Variants in DYRK1A observed in about 807,000 individuals in gnomAD.
DYRK1A encodes dual specificity tyrosine-phosphorylation-regulated kinase 1A.
In DYRK1A, 9 loss-of-function variants were observed where a neutral mutation model predicts 79.7. That is an observed-to-expected ratio of 0.11 (90% confidence interval 0.07 to 0.20). The LOEUF (loss-of-function observed/expected upper bound fraction) is 0.20. DYRK1A is among the 10% of genes least tolerant of loss of function. The pLI is 1.00. For missense variants in DYRK1A, 622 were observed against 956.0 expected (o/e 0.65, Z 4.61); for synonymous variants, 349 against 329.7 (o/e 1.06, Z -0.63).
chr21:37,426,739 T>A (rs2050629921), intron 2 of DYRK1A, among the ~76,000 whole-genome samples: 2 of 140,538 alleles, frequency 1.4e-5, no homozygotes, highest in South Asian at 4.7e-4. Context: ...TGAAACCCCG[T>A]CTCTACTAAA....
rs1180690545 is a variant in DYRK1A, at chr21:37,525,202, T to C, written c.*12671T>C. The C allele has an allele frequency of 1.3e-5, 2 of 152,270 alleles. No individual in the cohort carries two copies. The highest frequency in any genetic ancestry group is 2.9e-5 in the Non-Finnish European group (2 of 68,084). 9.4% of individuals were successfully genotyped at this position (152,270 alleles called of 1,614,324 possible). A position where few individuals can be genotyped will look rare whatever the true frequency, so the allele number is the denominator to read the frequency against. On this transcript the variant is annotated 3_prime_UTR_variant, in exon 12 of 12. Transcript: ENST00000647188. Reference sequence around the variant, plus strand: ...GGAAATATATGTGTGTATTAGTCCATTTTCATACTGCTATAAAGAAAAGCC... The same window carrying C: ...GGAAATATATGTGTGTATTAGTCCACTTTCATACTGCTATAAAGAAAAGCC...
At chr21:37,381,576 C>T (rs933378390) in intron 1 of DYRK1A, among the ~76,000 whole-genome samples, 1 of 152,204 alleles carries the variant, frequency 6.6e-6, no homozygotes, top group African/African-American at 2.4e-5. Flanking sequence ...GAAGTTCATT[C>T]AGCAGTTATA....
rs1205430491 is a variant in DYRK1A at position 37,367,274 on chromosome 21, CA to C, written c.-427del. 4 of 151,290 alleles carry C rather than the reference CA, an allele frequency of 2.6e-5. No individual in the cohort carries two copies. The highest frequency in any genetic ancestry group is 9.7e-5 in the African/African-American group (4 of 41,306). 9.4% of individuals were successfully genotyped at this position (151,290 alleles called of 1,614,324 possible). ...AGCGCGCGCCATTTTGTGAGATTTA[CA>C]AAATCCTCCTCGGGAAGAAGCCGCC... On this transcript the variant is annotated 5_prime_UTR_variant, in exon 1 of 12. Transcript: ENST00000647188.
Position 37,485,715 on chromosome 21 carries a change from A to T in DYRK1A, c.490-752A>T, listed in dbSNP as rs148037464. Among the ~76,000 whole-genome samples, 689 of 151,598 alleles carry T rather than the reference A, an allele frequency of 4.5e-3. 9 individuals are homozygous for T. The highest frequency in any genetic ancestry group is 0.016 in the African/African-American group (659 of 41,442). ...AGAGATAACATTTTCTTTTACTTATATATTGATTTTGTAATGTTTATGTAA... is the reference window on the plus strand; with the variant it reads ...AGAGATAACATTTTCTTTTACTTATTTATTGATTTTGTAATGTTTATGTAA... On this transcript the variant is annotated intron_variant, in intron 5 of 11. Transcript: ENST00000647188.
chr21:37,371,968 G>T (rs1325830564), intron 1 of DYRK1A, among the ~76,000 whole-genome samples: 3 of 151,944 alleles, frequency 2.0e-5, no homozygotes, highest in Non-Finnish European at 2.9e-5. Flanking sequence ...AAGCTTTTCC[G>T]TATTATCATT....
chr21:37,489,379 T>C (rs753484566), intron 6 of DYRK1A, among the ~76,000 whole-genome samples: 1 of 152,134 alleles, frequency 6.6e-6, no homozygotes, highest in Non-Finnish European at 1.5e-5. Flanking sequence ...TAAAGCACAA[T>C]CTTTGAGGCA....
At chr21:37,437,556 T>C (rs2050961552) in intron 2 of DYRK1A, among the ~76,000 whole-genome samples, 1 of 152,230 alleles carries the variant, frequency 6.6e-6, no homozygotes, top group Non-Finnish European at 1.5e-5. Flanking sequence ...GTGAAACTTT[T>C]ACCACAAGTC....
intron 4 of DYRK1A, among the ~76,000 whole-genome samples, chr21:37,479,612 G>GTTTTTGTTTTTGTTTTTT (rs756471343): frequency 2.1e-5 from 1 of 47,160 alleles, no homozygotes. Flanking sequence ...TTTTGTTTTT[G>GTTTTTGTTTTTGTTTTTT]TTTTTTGTTT....
At chr21:37,506,965 A>G (rs562796978) in intron 11 of DYRK1A, among the ~76,000 whole-genome samples, 2 of 152,292 alleles carry the variant, frequency 1.3e-5, no homozygotes, top group Admixed American at 6.5e-5. Flanking sequence ...CACTGTTAAT[A>G]CTCACCAACC....
chr21:37,499,785 C>T (rs2053385106), intron 9 of DYRK1A, among the ~76,000 whole-genome samples: 1 of 152,144 alleles, frequency 6.6e-6, no homozygotes, highest in Admixed American at 6.5e-5. Flanking sequence ...TTGCTAAATT[C>T]ACCTATTCTA....
At chr21:37,459,654 A>G (rs138643369) in intron 2 of DYRK1A, among the ~76,000 whole-genome samples, 168 of 152,324 alleles carry the variant, frequency 1.1e-3, no homozygotes, top group African/African-American at 4.0e-3. Context: ...TGTAATTGAA[A>G]TTCTGATTTC....
intron 2 of DYRK1A, among the ~76,000 whole-genome samples, chr21:37,468,276 T>G (rs76990396): frequency 3.4e-5 from 5 of 146,768 alleles, no homozygotes. Context: ...CATGCCTGGC[T>G]TTTTTTTTTT....
chr21:37,420,554 TTGA>T (rs2050448216), intron 2 of DYRK1A, among the ~76,000 whole-genome samples, 170 bp downstream of exon 2: 1 of 152,128 alleles, frequency 6.6e-6, no homozygotes, highest in African/African-American at 2.4e-5. Flanking sequence ...TGAACTCAGA[TTGA>T]TAATCAGTGA....
At chr21:37,372,691 A>G (rs1286032098) in intron 1 of DYRK1A, among the ~76,000 whole-genome samples, 2 of 152,174 alleles carry the variant, frequency 1.3e-5, no homozygotes, top group East Asian at 1.9e-4. Context: ...AGTAATTAGC[A>G]TAGGAATCTT....
chr21:37,506,268 CA>C, intron 11 of DYRK1A, 45 bp downstream of exon 11: 1 of 1,613,790 alleles, frequency 6.2e-7, no homozygotes, highest in South Asian at 1.1e-5. Context: ...CTGCCATTCT[CA>C]GGTGGAGCAG....
At chr21:37,440,669 T>C (rs558813374) in intron 2 of DYRK1A, among the ~76,000 whole-genome samples, 35 of 152,342 alleles carry the variant, frequency 2.3e-4, no homozygotes, top group African/African-American at 8.2e-4. Context: ...TTTTGAGTTA[T>C]GGTTTCTTCC....
Position 37,375,519 on chromosome 21 carries a change from C to CTTTTTTTT in DYRK1A, c.-77+7907_-77+7914dup, listed in dbSNP as rs58948987. ...TTAGAATATTCCTAGAGGAATATTA[C>CTTTTTTTT]TTTTTTTTTTTTTTTTTTTTTTTGA... On this transcript the variant is annotated intron_variant, in intron 1 of 11. Coordinates refer to ENST00000647188, the MANE Select transcript of DYRK1A (RefSeq NM_001347721.2). Among the ~76,000 whole-genome samples, 59 of 81,438 alleles carry CTTTTTTTT rather than the reference C, an allele frequency of 7.2e-4. 3 individuals carry two copies. The highest frequency in any genetic ancestry group is 1.2e-3 in the Admixed American group (7 of 5,782). The allele number at this position is 81,438 out of a possible 152,430, so 53.4% of individuals were successfully genotyped here. A position where few individuals can be genotyped will look rare whatever the true frequency, so the allele number is the denominator to read the frequency against.
chr21:37,435,265 A>G (rs1347413996), intron 2 of DYRK1A, among the ~76,000 whole-genome samples: 3 of 152,218 alleles, frequency 2.0e-5, no homozygotes, highest in African/African-American at 7.2e-5. Context: ...TTGATTGGCT[A>G]GCATCCTGAC....
intron 2 of DYRK1A, among the ~76,000 whole-genome samples, chr21:37,457,026 TTAC>T (rs2051665102): frequency 4.2e-5 from 3 of 70,714 alleles, no homozygotes; most frequent in African/African-American, 1.2e-4. Context: ...ACTTACTTAC[TTAC>T]TTACTTACTT....
Sources: gnomAD v4.1 joint callset for allele counts (sites outside exome capture counted in the v4.1 genomes callset) on GRCh38, gnomAD v4.1.1 for gene constraint, MANE v1.5 for transcripts, NCBI Gene and HGNC (gene_info 2026-07-23, HGNC 2026-07-21) for gene names.